CFAP20DC: variants seen among roughly 807,000 people sequenced by gnomAD.
CFAP20DC encodes protein CFAP20DC.
In CFAP20DC, 84 loss-of-function variants were observed where a neutral mutation model predicts 101.7. That is an observed-to-expected ratio of 0.83 (90% CI 0.69 to 0.99). The LOEUF (loss-of-function observed/expected upper bound fraction) is 0.99, where lower values mean the gene tolerates loss of function less well. CFAP20DC is among the 50% of genes least tolerant of loss of function. CFAP20DC has a pLI of 0.00. For missense variants in CFAP20DC, 1,007 were observed against 970.3 expected, an observed-to-expected ratio of 1.04 and a Z score of -0.50; for synonymous variants, 359 against 351.2, an observed-to-expected ratio of 1.02 and a Z score of -0.25.
At chr3:58,850,434 C>G (rs999818234) in intron 12 of CFAP20DC, among the ~76,000 whole-genome samples, 1 of 151,710 alleles carries the variant, frequency 6.6e-6, no homozygotes, top group Non-Finnish European at 1.5e-5. Context: ...TGAAAAAATA[C>G]AAAATTATCT....
intron 15 of CFAP20DC, among the ~76,000 whole-genome samples, chr3:58,756,965 T>C (rs992672826): frequency 2.0e-5 from 3 of 152,110 alleles, no homozygotes; most frequent in Non-Finnish European, 1.5e-5. Context: ...CCCTCTTCTA[T>C]GTTTGAGCAT....
intron 4 of CFAP20DC, among the ~76,000 whole-genome samples, chr3:58,978,716 C>CAA (rs201916298): frequency 0.014 from 924 of 66,496 alleles, 6 homozygotes; most frequent in African/African-American, 0.04. Flanking sequence ...TCCCTGTCTG[C>CAA]AAAAAAAAAA....
Position 59,046,332 on chromosome 3 carries a change from A to C in CFAP20DC, c.112-10T>G, listed in dbSNP as rs770829814. ...CTTCTTTATCAAACTCCTATAGAAC[A>C]AAATGAAAACAGTAGTTATCACAGG... On this transcript the variant is annotated splice_polypyrimidine_tract_variant and intron_variant, in intron 2 of 16. Coordinates refer to ENST00000482387, the MANE Select transcript of CFAP20DC (RefSeq NM_001394063.1). 2.7e-6 allele frequency: 4 copies of C among 1,486,758 alleles called. No individual in the cohort carries two copies. In the Admixed American group the frequency reaches 8.6e-5, roughly 32 times the overall value. 92.1% of individuals were successfully genotyped at this position (1,486,758 alleles called of 1,614,324 possible). A position where few individuals can be genotyped will look rare whatever the true frequency, so the allele number is the denominator to read the frequency against.
At position 58,792,755 on chromosome 3, in the gene CFAP20DC, T is replaced by G. The variant is rs548261064; in HGVS notation, c.2237+13640A>C. Reference sequence around the variant, plus strand: ...TACTCCATGAGTTCAACTACAAAACTAAAAACTGACAATGAAAATATAAAG... The same window carrying G: ...TACTCCATGAGTTCAACTACAAAACGAAAAACTGACAATGAAAATATAAAG... On this transcript the variant is annotated intron_variant, in intron 15 of 16. Transcript: ENST00000482387. Among the ~76,000 whole-genome samples, 10 of 151,812 alleles carry G rather than the reference T, an allele frequency of 6.6e-5. No individual in the cohort carries two copies. The East Asian group carries it at 1.9e-3, about 29-fold the overall frequency.
intron 3 of CFAP20DC, among the ~76,000 whole-genome samples, chr3:58,723,551 C>T (rs555509341): frequency 5.9e-5 from 9 of 152,320 alleles, no homozygotes; most frequent in South Asian, 2.1e-4. Context: ...TCATTGGAAA[C>T]GAAGGTGGGG....
chr3:58,809,391 A>C (rs2074407122), intron 14 of CFAP20DC, among the ~76,000 whole-genome samples: 1 of 152,210 alleles, frequency 6.6e-6, no homozygotes, highest in Non-Finnish European at 1.5e-5. Context: ...ACTCAGGATT[A>C]AGAAACTCAC....
chr3:59,034,553 TG>T (rs764108606), intron 4 of CFAP20DC, among the ~76,000 whole-genome samples: 15 of 152,046 alleles, frequency 9.9e-5, no homozygotes, highest in Non-Finnish European at 1.6e-4. Context: ...TCCTAGTCTC[TG>T]ATAAAACAGA....
chr3:58,960,818 T>C (rs1339597624), intron 4 of CFAP20DC, among the ~76,000 whole-genome samples: 1 of 152,188 alleles, frequency 6.6e-6, no homozygotes, highest in Non-Finnish European at 1.5e-5. Context: ...TAAATATAAA[T>C]AATGAATGAA....
At chr3:58,798,564 A>T (rs1384093108) in intron 15 of CFAP20DC, among the ~76,000 whole-genome samples, 1 of 152,222 alleles carries the variant, frequency 6.6e-6, no homozygotes, top group African/African-American at 2.4e-5. Context: ...TTGAAATATT[A>T]CATACACTGA....
At chr3:58,885,931 G>C (rs763589400) in intron 6 of CFAP20DC, among the ~76,000 whole-genome samples, 3 of 151,962 alleles carry the variant, frequency 2.0e-5, no homozygotes, top group South Asian at 4.2e-4. Context: ...GAGTGCAGAT[G>C]TCTCTCTGTA....
At chr3:58,986,917 T>C (rs1285328262) in intron 4 of CFAP20DC, among the ~76,000 whole-genome samples, 1 of 152,124 alleles carries the variant, frequency 6.6e-6, no homozygotes. Context: ...GTCACTTCTT[T>C]AGAACTTCAG....
intron 3 of CFAP20DC, among the ~76,000 whole-genome samples, chr3:58,733,288 C>G (rs532463336): frequency 6.6e-6 from 1 of 152,044 alleles, no homozygotes; most frequent in Non-Finnish European, 1.5e-5. Context: ...GCCAAGATTG[C>G]GCCACTGCAC....
chr3:58,946,532 T>C (rs1295984078), intron 4 of CFAP20DC, among the ~76,000 whole-genome samples: 1 of 152,166 alleles, frequency 6.6e-6, no homozygotes, highest in Non-Finnish European at 1.5e-5. Context: ...AAAGTCCAAG[T>C]TTCTTGTCTT....
intron 4 of CFAP20DC, chr3:58,953,945 A>G (rs1479404889): frequency 6.6e-6 from 1 of 152,232 alleles, no homozygotes; most frequent in East Asian, 1.9e-4. Flanking sequence ...ATTCACAGCT[A>G]AGGGTCAGCA....
chr3:58,944,575 C>T (rs564073010), intron 4 of CFAP20DC, among the ~76,000 whole-genome samples: 8 of 152,170 alleles, frequency 5.3e-5, no homozygotes, highest in Non-Finnish European at 1.2e-4. Flanking sequence ...GTATAGACAT[C>T]GTGCTAAGTG....
chr3:58,874,808 G>GACATAAA lies in CFAP20DC; in HGVS notation c.716-4500_716-4499insTTTATGT, dbSNP rs2080601157. On this transcript the variant is annotated intron_variant, in intron 7 of 16. Transcript: ENST00000482387. The surrounding 1 kb of genome is among the most constrained non-coding windows in gnomAD (Gnocchi z 5.1). ...CCATGGGATTCTCTAATTAATGTGT[G>GACATAAA]CTTCAGTAGACATAAACTCAGTGGC... Among the ~76,000 whole-genome samples the GACATAAA allele has an allele frequency of 6.6e-6, 1 of 152,112 alleles. No homozygotes were observed. The highest frequency in any genetic ancestry group is 1.5e-5 in the Non-Finnish European group (1 of 68,012).
intron 4 of CFAP20DC, among the ~76,000 whole-genome samples, chr3:58,986,278 G>A (rs2092748057): frequency 6.6e-6 from 1 of 152,182 alleles, no homozygotes; most frequent in Non-Finnish European, 1.5e-5. Flanking sequence ...TTTATTGGGG[G>A]ATGAGCTATC....
intron 4 of CFAP20DC, among the ~76,000 whole-genome samples, chr3:58,961,542 A>G (rs1247849703): frequency 6.6e-6 from 1 of 151,628 alleles, no homozygotes; most frequent in Non-Finnish European, 1.5e-5. Context: ...CAACAAGAAC[A>G]AGACTGTCTC....
Position 58,864,059 on chromosome 3 carries a change from A to G in CFAP20DC, c.1259-167T>C, listed in dbSNP as rs748587127. 1.3e-5 allele frequency among the ~76,000 whole-genome samples: 2 copies of G among 152,090 alleles called. No individual in the cohort carries two copies. Among genetic ancestry groups the G allele is most frequent in the Non-Finnish European group, 2.9e-5 (2 of 68,002 alleles). ...TGCAACCTCCGCCTCCCAACCTTCA[A>G]GTGATTCTCCTGCCTGAGCCTCCTG... On this transcript the variant is annotated intron_variant, in intron 11 of 16. Coordinates refer to ENST00000482387, the MANE Select transcript of CFAP20DC (RefSeq NM_001394063.1). This position sits in a 1 kb window ranked among gnomAD's most constrained non-coding sequence, Gnocchi z 4.7.
Sources: gnomAD v4.1 joint callset for allele counts (sites outside exome capture counted in the v4.1 genomes callset) on GRCh38, gnomAD v4.1.1 for gene constraint, Gnocchi (gnomAD v3.1) non-coding constraint, MANE v1.5 for transcripts, NCBI Gene and HGNC (gene_info 2026-07-23, HGNC 2026-07-21) for gene names.